SUCO: variants seen among roughly 807,000 people sequenced by gnomAD.
SUCO encodes the protein SUN domain containing ossification factor.
In SUCO, 57 loss-of-function variants were observed where a neutral mutation model predicts 148.1. The observed-to-expected ratio is 0.38, with a 90% CI of 0.31 to 0.48. The LOEUF (loss-of-function observed/expected upper bound fraction) is 0.48, where lower values mean the gene tolerates loss of function less well. SUCO is among the 20% of genes least tolerant of loss of function. The pLI is 0.96. For missense variants in SUCO, 1,331 were observed against 1,468.2 expected (o/e 0.91, Z 1.53); for synonymous variants, 470 against 502.7 (o/e 0.93, Z 0.87).
chr1:172,602,483 C>A, intron 21 of SUCO: 1 of 981,732 alleles, frequency 1.0e-6, no homozygotes, highest in Non-Finnish European at 1.2e-6. Flanking sequence ...ATGTGGAATT[C>A]AAAGGAAGAA....
At chr1:172,572,114 G>A (rs1328219087) in intron 9 of SUCO, among the ~76,000 whole-genome samples, 1 of 126,000 alleles carries the variant, frequency 7.9e-6, no homozygotes, top group African/African-American at 2.9e-5. Context: ...CACCCGGTCC[G>A]GGAGGTGAGG....
intron 2 of SUCO, chr1:172,552,746 A>G (rs1557561): frequency 0.08 from 43,765 of 546,150 alleles, 2,105 homozygotes; most frequent in Middle Eastern, 0.097. Context: ...CAAATGTCAT[A>G]AAAGTGAATT....
At chr1:172,594,455 G>A (rs1385985769) in intron 19 of SUCO, among the ~76,000 whole-genome samples, 3 of 152,070 alleles carry the variant, frequency 2.0e-5, no homozygotes, top group East Asian at 1.9e-4. Flanking sequence ...CTTTAAATGT[G>A]TCCCAGAGAT....
rs1347835457 is a variant in SUCO at position 172,600,052 on chromosome 1, C to G, written c.2914-12C>G. Reference sequence around the variant, plus strand: ...GTTAATATTCAAAAAAAAATAAATTCCTTTATCATAGGATCAGCGGCAAAC... The same window carrying G: ...GTTAATATTCAAAAAAAAATAAATTGCTTTATCATAGGATCAGCGGCAAAC... On this transcript the variant is annotated splice_polypyrimidine_tract_variant and intron_variant, in intron 19 of 23. Coordinates refer to ENST00000263688, the MANE Select transcript of SUCO (RefSeq NM_014283.5). The G allele has an allele frequency of 3.9e-6, 6 of 1,545,538 alleles. No individual in the cohort carries two copies. The Admixed American group carries it at 6.6e-5, about 17-fold the overall frequency.
At chr1:172,602,424 T>C (rs1369735082) in intron 21 of SUCO, 21 of 983,222 alleles carry the variant, frequency 2.1e-5, no homozygotes, top group Non-Finnish European at 2.4e-5. Flanking sequence ...AAAACACTAA[T>C]AGTAAGTGCA....
intron 1 of SUCO, among the ~76,000 whole-genome samples, chr1:172,547,188 T>G (rs537719365): frequency 6.6e-6 from 1 of 152,362 alleles, no homozygotes; most frequent in African/African-American, 2.4e-5. Context: ...CAATGTAATG[T>G]CTGAGATTTA....
At position 172,533,271 on chromosome 1, in the gene SUCO, C is replaced by G; in HGVS notation, c.-165C>G. The G allele has an allele frequency of 6.5e-7, 1 of 1,549,414 alleles. No individual in the cohort carries two copies. On this transcript the variant is annotated 5_prime_UTR_variant, in exon 1 of 24. Transcript: ENST00000263688. The stretch of plus-strand genomic sequence containing the variant: ...GCCTCTGTGGGGCCCTCAGAGAGGG[C>G]TGCCAGGACGCGAGCCACTGAGGAG...
rs1490345980 is a variant in SUCO at position 172,556,568 on chromosome 1, T to G, written c.443+545T>G. 4.1e-6 allele frequency: 4 copies of G among 973,996 alleles called. No individual in the cohort carries two copies. In the African/African-American group the frequency reaches 7.0e-5, roughly 17 times the overall value. The allele number at this position is 973,996 out of a possible 1,614,324, so 60.3% of individuals were successfully genotyped here. On this transcript the variant is annotated intron_variant, in intron 4 of 23. Coordinates refer to ENST00000263688, the MANE Select transcript of SUCO (RefSeq NM_014283.5). ...AAATGTCCTTCTCTTAATACTACATTAAGCATTTCCTTTATCAAATGAGTT... is the reference window on the plus strand; with the variant it reads ...AAATGTCCTTCTCTTAATACTACATGAAGCATTTCCTTTATCAAATGAGTT...
At chr1:172,558,477 CA>C (rs1653908523) in intron 6 of SUCO, among the ~76,000 whole-genome samples, 1 of 151,372 alleles carries the variant, frequency 6.6e-6, no homozygotes, top group South Asian at 2.1e-4. Flanking sequence ...AAATAGGGTC[CA>C]TGAGTAGTTC....
intron 4 of SUCO, chr1:172,557,058 A>G: frequency 1.0e-6 from 1 of 976,024 alleles, no homozygotes; most frequent in Non-Finnish European, 1.2e-6. Context: ...GTAATTTTTA[A>G]AAATCTTATT....
At chr1:172,599,324 G>A (rs979092293) in intron 19 of SUCO, 18 of 333,936 alleles carry the variant, frequency 5.4e-5, no homozygotes, top group African/African-American at 6.7e-5. Flanking sequence ...GCGAGACTCC[G>A]TCTCAAAAAA....
intron 15 of SUCO, among the ~76,000 whole-genome samples, chr1:172,580,673 T>C (rs1444543240): frequency 6.6e-6 from 1 of 152,194 alleles, no homozygotes; most frequent in Non-Finnish European, 1.5e-5. Context: ...CTCTAGCTTC[T>C]GGTAGGTACT....
intron 20 of SUCO, among the ~76,000 whole-genome samples, chr1:172,601,018 T>G (rs992376235): frequency 5.9e-5 from 9 of 152,208 alleles, no homozygotes; most frequent in Non-Finnish European, 1.0e-4. Context: ...CATGTAGGAC[T>G]TCGTAGACAA....
intron 6 of SUCO, among the ~76,000 whole-genome samples, chr1:172,558,863 G>A (rs1352815855): frequency 2.6e-5 from 4 of 152,146 alleles, no homozygotes. Context: ...TCCTAGATTT[G>A]CTTGTTCTCC....
intron 19 of SUCO, among the ~76,000 whole-genome samples, chr1:172,596,328 G>A (rs567453098): frequency 4.9e-4 from 74 of 152,306 alleles, no homozygotes; most frequent in African/African-American, 1.5e-3. Context: ...TGTTGCTGGC[G>A]AGGAGCTGCA....
intron 19 of SUCO, among the ~76,000 whole-genome samples, chr1:172,595,630 T>C (rs1267433049): frequency 6.6e-6 from 1 of 152,220 alleles, no homozygotes; most frequent in Non-Finnish European, 1.5e-5. Flanking sequence ...CTTGTAGAGT[T>C]TCTGCCAAGA....
intron 15 of SUCO, among the ~76,000 whole-genome samples, chr1:172,581,514 C>T (rs1308400324): frequency 6.6e-6 from 1 of 152,156 alleles, no homozygotes; most frequent in African/African-American, 2.4e-5. Context: ...TGTCCTTCTA[C>T]TCTTCTCTGA....
chr1:172,570,603 A>G (rs1654885596), intron 8 of SUCO, 60 bp from the exon 9 acceptor site: 1 of 1,188,618 alleles, frequency 8.4e-7, no homozygotes, highest in Admixed American at 2.0e-5. Flanking sequence ...TTAAAGTTAA[A>G]ATAAATACTT....
At chr1:172,551,859 T>G in intron 2 of SUCO, 1 of 373,380 alleles carries the variant, frequency 2.7e-6, no homozygotes, top group Non-Finnish European at 4.9e-6. Flanking sequence ...TCCTGTAGTA[T>G]AGGGTAGTGC....
Sources: gnomAD v4.1 joint callset for allele counts (sites outside exome capture counted in the v4.1 genomes callset) on GRCh38, gnomAD v4.1.1 for gene constraint, MANE v1.5 for transcripts, NCBI Gene and HGNC (gene_info 2026-07-23, HGNC 2026-07-21) for gene names.